MEGF10: variants seen among roughly 807,000 people sequenced by gnomAD.
MEGF10 encodes the protein multiple EGF like domains 10, also known as multiple epidermal growth factor-like domains protein 10.
MEGF10 carries 86 observed loss-of-function variants against 147.5 expected under a neutral mutation model. That is an observed-to-expected ratio of 0.58 (90% CI 0.49 to 0.70). The LOEUF is 0.70. Among genes scored for constraint, MEGF10 ranks in the 30% least tolerant of loss-of-function variants. The pLI is 0.00. For missense variants in MEGF10, 1,329 were observed against 1,487.3 expected (o/e 0.89, Z 1.75); for synonymous variants, 478 against 525.5 (o/e 0.91, Z 1.24).
At chr5:127,267,221 C>T in the MEGF10 span, among the ~76,000 whole-genome samples, 2 of 152,088 alleles carry the variant, frequency 1.3e-5, 1 homozygote, top group African/African-American at 4.8e-5. Flanking sequence ...TGCTGGATTA[C>T]ATTTATTGAT....
the MEGF10 span, among the ~76,000 whole-genome samples, chr5:127,245,311 C>T: frequency 6.6e-6 from 1 of 152,142 alleles, no homozygotes; most frequent in South Asian, 2.1e-4. Context: ...CACACATCTA[C>T]AACCAACTGA....
chr5:127,436,345 T>A (rs913486208), intron 16 of MEGF10, among the ~76,000 whole-genome samples: 3 of 152,202 alleles, frequency 2.0e-5, no homozygotes, highest in Non-Finnish European at 4.4e-5. Flanking sequence ...TTTTTCTGAA[T>A]GTTAATTTTT....
chr5:127,383,319 G>T (rs1405345784), intron 5 of MEGF10, among the ~76,000 whole-genome samples: 1 of 152,166 alleles, frequency 6.6e-6, no homozygotes, highest in Admixed American at 6.5e-5. Flanking sequence ...CATTATATTA[G>T]CAGATTTATC....
At chr5:127,402,168 G>A (rs1363595226) in intron 7 of MEGF10, among the ~76,000 whole-genome samples, 1 of 152,170 alleles carries the variant, frequency 6.6e-6, no homozygotes, top group Non-Finnish European at 1.5e-5. Flanking sequence ...TGCTCAATAA[G>A]TATTGTTGAC....
chr5:127,388,937 C>T (rs76943329), intron 5 of MEGF10, among the ~76,000 whole-genome samples: 3,676 of 152,198 alleles, frequency 0.024, 60 homozygotes, highest in Admixed American at 0.063. Context: ...TTGGCTGACC[C>T]CCAAAGCCTT....
chr5:127,306,533 T>C (rs971240619), intron 1 of MEGF10, among the ~76,000 whole-genome samples: 1 of 152,222 alleles, frequency 6.6e-6, no homozygotes, highest in Non-Finnish European at 1.5e-5. Context: ...CCGTCTTCCA[T>C]GGTGCACTTA....
At chr5:127,407,134 T>G (rs752541627) in intron 8 of MEGF10, among the ~76,000 whole-genome samples, 2 of 152,180 alleles carry the variant, frequency 1.3e-5, no homozygotes, top group African/African-American at 4.8e-5. Context: ...ATGGAGGAGC[T>G]CTTTCCTGTG....
intron 5 of MEGF10, among the ~76,000 whole-genome samples, chr5:127,387,479 A>G (rs1763475255): frequency 6.6e-6 from 1 of 152,202 alleles, no homozygotes; most frequent in Admixed American, 6.5e-5. Context: ...TCTCAGATAA[A>G]CAGTTGTGAG....
At chr5:127,324,834 G>A (rs1760940246) in intron 1 of MEGF10, among the ~76,000 whole-genome samples, 1 of 152,148 alleles carries the variant, frequency 6.6e-6, no homozygotes, top group South Asian at 2.1e-4. Flanking sequence ...CTCACAATCT[G>A]TTATAAAACC....
At chr5:127,428,558 A>G (rs1398352206) in intron 13 of MEGF10, among the ~76,000 whole-genome samples, 1 of 152,256 alleles carries the variant, frequency 6.6e-6, no homozygotes, top group African/African-American at 2.4e-5. Flanking sequence ...AAGGATTAGA[A>G]AAGCAGAAAA....
the MEGF10 span, among the ~76,000 whole-genome samples, chr5:127,284,866 G>A: frequency 6.6e-6 from 1 of 152,096 alleles, no homozygotes; most frequent in Non-Finnish European, 1.5e-5. Context: ...GAAATTATGG[G>A]TATAAGAAGC....
intron 8 of MEGF10, among the ~76,000 whole-genome samples, chr5:127,407,435 T>C (rs559012439): frequency 1.1e-4 from 16 of 152,286 alleles, no homozygotes; most frequent in Admixed American, 7.2e-4. Flanking sequence ...AGAAACAATA[T>C]TAAAACCAGT....
At chr5:127,238,932 A>G in the MEGF10 span, among the ~76,000 whole-genome samples, 1 of 152,188 alleles carries the variant, frequency 6.6e-6, no homozygotes, top group Admixed American at 6.5e-5. Context: ...AAGTGAAAGA[A>G]TCATCATCAG....
At chr5:127,311,101 T>C (rs569649012) in intron 1 of MEGF10, among the ~76,000 whole-genome samples, 9 of 152,352 alleles carry the variant, frequency 5.9e-5, no homozygotes, top group Middle Eastern at 3.4e-3. Context: ...ATATTCCTCT[T>C]ATTTCTATTA....
chr5:127,250,710 T>C, the MEGF10 span, among the ~76,000 whole-genome samples: 1 of 151,764 alleles, frequency 6.6e-6, no homozygotes, highest in Non-Finnish European at 1.5e-5. Context: ...CACATAAATA[T>C]TATAAAGAAA....
Position 127,438,542 on chromosome 5 carries a change from C to A in MEGF10, c.2208C>A (p.Gly736=), listed in dbSNP as rs772303638. The change falls in exon 17 of 25, where the codon GGC becomes GGA. Residue 736 remains glycine (G), a synonymous_variant. Transcript: ENST00000503335. ...AYDGECKCTP[G]WTGLYCTQRC... ...ATGGGGAATGTAAATGCACTCCTGG[C>A]TGGACAGGGCTCTACTGCACTCAGA... 1 of 1,614,126 alleles carries A rather than the reference C, an allele frequency of 6.2e-7. No individual in the cohort carries two copies. The highest frequency in any genetic ancestry group is 2.2e-5 in the East Asian group (1 of 44,886).
chr5:127,322,105 A>C (rs952039218), intron 1 of MEGF10, among the ~76,000 whole-genome samples: 8 of 150,288 alleles, frequency 5.3e-5, no homozygotes, highest in Admixed American at 4.0e-4. Context: ...GCTTTAGGTT[A>C]AAAGAAAAAA....
chr5:127,339,343 C>G (rs1761590414), intron 3 of MEGF10, 122 bp downstream of exon 3: 1 of 636,242 alleles, frequency 1.6e-6, no homozygotes, highest in Non-Finnish European at 2.7e-6. Context: ...AGGGCTTGCT[C>G]CTGTCTTATT....
chr5:127,251,266 A>C, the MEGF10 span, among the ~76,000 whole-genome samples: 1 of 152,038 alleles, frequency 6.6e-6, no homozygotes, highest in Non-Finnish European at 1.5e-5. Context: ...ATTGGATGGA[A>C]TCTAGGAGGA....
Sources: gnomAD v4.1 joint callset for allele counts (sites outside exome capture counted in the v4.1 genomes callset) on GRCh38, gnomAD v4.1.1 for gene constraint, MANE v1.5 for transcripts, NCBI Gene and HGNC (gene_info 2026-07-23, HGNC 2026-07-21) for gene names.